The following UBE2E2 variants were observed in gnomAD, a reference collection of about 807,000 sequenced individuals.
UBE2E2 encodes ubiquitin conjugating enzyme E2 E2.
A neutral mutation model predicts 24.7 loss-of-function variants in UBE2E2; 6 were observed. The ratio of observed to expected loss-of-function variants is 0.24; its 90% CI spans 0.13 to 0.48. UBE2E2 has a LOEUF of 0.48. UBE2E2 is among the 20% of genes least tolerant of loss of function. The pLI, the probability that UBE2E2 is intolerant of heterozygous loss-of-function variation, is 0.99. For missense variants in UBE2E2, 169 were observed against 245.0 expected, an observed-to-expected ratio of 0.69 and a Z score of 2.07; for synonymous variants, 104 against 83.6, an observed-to-expected ratio of 1.24 and a Z score of -1.33.
In UBE2E2 at chr3:23,589,081, G is replaced by A. The variant is rs1191993060; in HGVS notation, c.509-653G>A. ...GTCTTCCCAGGAGAGCTCATCAAGA[G>A]CCCATGAGTCCCCTGCCCACAGCCC... On this transcript the variant is annotated intron_variant, in intron 5 of 5. Coordinates refer to ENST00000396703, the MANE Select transcript of UBE2E2 (RefSeq NM_152653.4). This position sits in a 1 kb window ranked among gnomAD's most constrained non-coding sequence, Gnocchi z 4.1. Among the ~76,000 whole-genome samples the A allele has an allele frequency of 6.6e-6, 1 of 151,936 alleles. No individual in the cohort carries two copies. Among genetic ancestry groups the A allele is most frequent in the African/African-American group, 2.4e-5 (1 of 41,338 alleles).
At chr3:23,430,210 C>G (rs1300478203) in intron 3 of UBE2E2, among the ~76,000 whole-genome samples, 3 of 152,170 alleles carry the variant, frequency 2.0e-5, no homozygotes, top group Non-Finnish European at 2.9e-5. Flanking sequence ...ATCTCTGCCA[C>G]CTTCTATAAT....
At chr3:23,232,742 C>T (rs1160592065) in intron 3 of UBE2E2, among the ~76,000 whole-genome samples, 3 of 152,132 alleles carry the variant, frequency 2.0e-5, no homozygotes, top group African/African-American at 7.2e-5. Context: ...TTGCTCTTTG[C>T]GCATACATTG....
In UBE2E2 at chr3:23,584,733, T is replaced by TG. The variant is rs1696576724; in HGVS notation, c.509-5001_509-5000insG. On this transcript the variant is annotated intron_variant, in intron 5 of 5. Coordinates refer to ENST00000396703, the MANE Select transcript of UBE2E2 (RefSeq NM_152653.4). ...CACACCCAGCTGTTTTTTGTTTTTT[T>TG]TTTTTTTTTTTTTTTTTTGTAGAGA... 4.7e-5 allele frequency among the ~76,000 whole-genome samples: 4 copies of TG among 84,698 alleles called. No homozygotes were observed. The South Asian group carries it at 1.3e-3, about 28-fold the overall frequency. 55.6% of individuals were successfully genotyped at this position (84,698 alleles called of 152,430 possible).
chr3:23,331,908 AG>A (rs1397969187), intron 3 of UBE2E2, among the ~76,000 whole-genome samples: 1 of 152,236 alleles, frequency 6.6e-6, no homozygotes, highest in East Asian at 1.9e-4. Flanking sequence ...AGTAAATGAC[AG>A]CAGAAAGACA....
intron 3 of UBE2E2, among the ~76,000 whole-genome samples, chr3:23,427,313 C>G (rs986294800): frequency 4.6e-5 from 7 of 151,160 alleles, no homozygotes; most frequent in African/African-American, 1.7e-4. Context: ...GCCTGTAGTT[C>G]CAGCTATTTG....
intron 5 of UBE2E2, among the ~76,000 whole-genome samples, chr3:23,567,381 C>T (rs996245804): frequency 2.6e-5 from 4 of 152,078 alleles, no homozygotes; most frequent in Non-Finnish European, 4.4e-5. Context: ...ACAGTATGTT[C>T]GAGTTCAGGC....
intron 2 of UBE2E2, 54 bp downstream of exon 2, chr3:23,208,929 T>G: frequency 6.8e-7 from 1 of 1,466,218 alleles, no homozygotes; most frequent in Non-Finnish European, 9.1e-7. Context: ...TCATCTTAAG[T>G]TCTATTTTTC....
intron 3 of UBE2E2, among the ~76,000 whole-genome samples, chr3:23,297,935 C>T (rs890848938): frequency 1.6e-4 from 25 of 152,004 alleles, no homozygotes; most frequent in African/African-American, 6.0e-4. Context: ...AATGTTCTTC[C>T]ATTTCTTTGT....
intron 5 of UBE2E2, among the ~76,000 whole-genome samples, chr3:23,539,093 C>G (rs1251409484): frequency 6.6e-6 from 1 of 152,116 alleles, no homozygotes; most frequent in Non-Finnish European, 1.5e-5. Flanking sequence ...CTCTTTGACT[C>G]AAAGAGTTAC....
At chr3:23,562,096 C>T (rs1429518692) in intron 5 of UBE2E2, among the ~76,000 whole-genome samples, 5 of 152,096 alleles carry the variant, frequency 3.3e-5, no homozygotes, top group Admixed American at 2.0e-4. Context: ...CCAGAACTTC[C>T]AACACTATGT....
chr3:23,522,182 G>T (rs922931388), intron 4 of UBE2E2, among the ~76,000 whole-genome samples: 1 of 147,300 alleles, frequency 6.8e-6, no homozygotes, highest in African/African-American at 2.5e-5. Flanking sequence ...CCAGGCTGGA[G>T]TGCAGTGGCA....
intron 3 of UBE2E2, among the ~76,000 whole-genome samples, chr3:23,495,754 G>C (rs560935052): frequency 6.6e-6 from 1 of 152,124 alleles, no homozygotes; most frequent in African/African-American, 2.4e-5. Flanking sequence ...TTGTCATCTG[G>C]GCTGAATATA....
intron 5 of UBE2E2, among the ~76,000 whole-genome samples, chr3:23,545,522 A>T (rs571300675): frequency 2.3e-4 from 35 of 152,168 alleles, no homozygotes; most frequent in Admixed American, 6.6e-4. Flanking sequence ...GATTAACAGA[A>T]TCTCAAGGCA....
intron 2 of UBE2E2, among the ~76,000 whole-genome samples, chr3:23,215,006 C>G (rs1182704470): frequency 6.6e-6 from 1 of 151,882 alleles, no homozygotes; most frequent in African/African-American, 2.4e-5. Flanking sequence ...GTTTGCTTAC[C>G]TATTCTTCCT....
intron 3 of UBE2E2, among the ~76,000 whole-genome samples, chr3:23,479,606 C>T (rs1006128076): frequency 4.1e-4 from 62 of 152,126 alleles, no homozygotes; most frequent in African/African-American, 1.5e-3. Flanking sequence ...TGGTGGGTCC[C>T]AAGTTCTTGT....
At chr3:23,234,705 A>G (rs1488765477) in intron 3 of UBE2E2, among the ~76,000 whole-genome samples, 1 of 152,204 alleles carries the variant, frequency 6.6e-6, no homozygotes, top group East Asian at 1.9e-4. Context: ...ATGGCTTAGA[A>G]TAAATGTCTC....
At chr3:23,550,972 A>G (rs1029723721) in intron 5 of UBE2E2, among the ~76,000 whole-genome samples, 1 of 152,216 alleles carries the variant, frequency 6.6e-6, no homozygotes, top group Non-Finnish European at 1.5e-5. Flanking sequence ...CTGCCTTATT[A>G]GTAGGGATGA....
chr3:23,407,563 C>T lies in UBE2E2; in HGVS notation c.228-92045C>T, dbSNP rs1242226684. On this transcript the variant is annotated intron_variant, in intron 3 of 5. Transcript: ENST00000396703. This position sits in a 1 kb window ranked among gnomAD's most constrained non-coding sequence, Gnocchi z 4.0. ...ACATTTGCTACATCCTTTATCTCCT[C>T]TGCGCCCCTCCCTCTACTTTTTATG... is the stretch of plus-strand genomic sequence containing the variant. Among the ~76,000 whole-genome samples, 2 of 146,128 alleles carry T rather than the reference C, an allele frequency of 1.4e-5. No homozygotes were observed. Among genetic ancestry groups the T allele is most frequent in the African/African-American group, 2.6e-5 (1 of 38,144 alleles).
intron 3 of UBE2E2, chr3:23,270,845 C>T: frequency 2.2e-6 from 1 of 448,814 alleles, no homozygotes; most frequent in South Asian, 1.6e-5. Flanking sequence ...TTGTTTTTCT[C>T]AGGGAAATCT....
Sources: allele counts gnomAD v4.1 joint callset (sites outside exome capture counted in the v4.1 genomes callset), GRCh38; gene constraint gnomAD v4.1.1; non-coding constraint Gnocchi (gnomAD v3.1); transcripts MANE v1.5; gene names NCBI Gene and HGNC (gene_info 2026-07-23, HGNC 2026-07-21).